The following NRXN1 variants were observed in gnomAD, a reference collection of about 807,000 sequenced individuals.
NRXN1 encodes the protein neurexin-1.
NRXN1 carries 39 observed loss-of-function variants against 150.9 expected under a neutral mutation model. That is an observed-to-expected ratio of 0.26 (90% CI 0.20 to 0.34). The LOEUF (loss-of-function observed/expected upper bound fraction) is 0.34. Ranked by LOEUF, NRXN1 falls within the 10% of genes least tolerant of loss-of-function variation. The pLI, the probability that NRXN1 is intolerant of heterozygous loss-of-function variation, is 1.00. For missense variants in NRXN1, 1,815 were observed against 1,949.9 expected, an observed-to-expected ratio of 0.93 and a Z score of 1.30; for synonymous variants, 924 against 757.0, an observed-to-expected ratio of 1.22 and a Z score of -3.62.
intron 18 of NRXN1, among the ~76,000 whole-genome samples, chr2:50,232,173 T>C (rs1219266391): frequency 6.6e-6 from 1 of 152,016 alleles, no homozygotes; most frequent in African/African-American, 2.4e-5. Context: ...ATAAGTTAAC[T>C]GGATCTCAGC....
chr2:50,294,967 T>C (rs1296423641), intron 17 of NRXN1, among the ~76,000 whole-genome samples: 1 of 152,214 alleles, frequency 6.6e-6, no homozygotes, highest in Non-Finnish European at 1.5e-5. Flanking sequence ...GGAATTACTG[T>C]TTGGTCCAGC....
chr2:50,236,361 A>G (rs2065422409), intron 18 of NRXN1, among the ~76,000 whole-genome samples: 1 of 152,036 alleles, frequency 6.6e-6, no homozygotes, highest in African/African-American at 2.4e-5. Context: ...GTAGCTTCAG[A>G]TAAGTACTTT....
chr2:50,515,600 G>GTGTGTGTGTGTGT (rs2092604830), intron 12 of NRXN1, among the ~76,000 whole-genome samples: 1 of 143,426 alleles, frequency 7.0e-6, no homozygotes, highest in African/African-American at 2.6e-5. Flanking sequence ...AAATGCTTGG[G>GTGTGTGTGTGTGT]GTGTGTGTGT....
At chr2:50,396,234 G>A (rs115320535) in intron 17 of NRXN1, among the ~76,000 whole-genome samples, 2,228 of 152,190 alleles carry the variant, frequency 0.015, 55 homozygotes, top group African/African-American at 0.049. Context: ...GTTTTCAAGT[G>A]CCATTTAAAG....
At chr2:50,955,552 T>C (rs1307114103) in intron 2 of NRXN1, among the ~76,000 whole-genome samples, 1 of 152,228 alleles carries the variant, frequency 6.6e-6, no homozygotes. Context: ...TCCCTTAAGC[T>C]ATGTCAAAGG....
At chr2:50,745,055 G>A (rs1699851739) in intron 5 of NRXN1, among the ~76,000 whole-genome samples, 1 of 152,056 alleles carries the variant, frequency 6.6e-6, no homozygotes, top group South Asian at 2.1e-4. Flanking sequence ...GCACCATCAT[G>A]GTTAATTAGG....
intron 5 of NRXN1, among the ~76,000 whole-genome samples, chr2:50,629,703 G>C (rs1427046755): frequency 6.6e-6 from 1 of 151,620 alleles, no homozygotes; most frequent in Non-Finnish European, 1.5e-5. Context: ...AAGATGATAT[G>C]AGAAGACACT....
intron 17 of NRXN1, among the ~76,000 whole-genome samples, chr2:50,393,665 G>T (rs2081882605): frequency 6.6e-6 from 1 of 152,012 alleles, no homozygotes; most frequent in Non-Finnish European, 1.5e-5. Flanking sequence ...TCTGAAGTTT[G>T]TTACATCGAA....
intron 21 of NRXN1, among the ~76,000 whole-genome samples, chr2:49,950,270 T>C (rs1237655580): frequency 6.6e-6 from 1 of 151,926 alleles, no homozygotes; most frequent in African/African-American, 2.4e-5. Flanking sequence ...GCAAGAGGAA[T>C]TTAGAGGCTG....
At chr2:50,751,791 G>T (rs1406381908) in intron 5 of NRXN1, among the ~76,000 whole-genome samples, 1 of 151,956 alleles carries the variant, frequency 6.6e-6, no homozygotes, top group Non-Finnish European at 1.5e-5. Flanking sequence ...CCAGACTAAA[G>T]ATAAACTTGG....
intron 5 of NRXN1, among the ~76,000 whole-genome samples, chr2:50,637,181 T>A (rs970522571): frequency 6.6e-6 from 1 of 152,160 alleles, no homozygotes; most frequent in Non-Finnish European, 1.5e-5. Context: ...TTTTAAAAAA[T>A]TAAGATCTTT....
intron 17 of NRXN1, among the ~76,000 whole-genome samples, chr2:50,284,369 A>G (rs1471062179): frequency 1.3e-5 from 2 of 152,140 alleles, no homozygotes. Context: ...ATGTTCCCCT[A>G]TGGAGGCCTT....
At chr2:50,689,194 C>G (rs914202060) in intron 5 of NRXN1, among the ~76,000 whole-genome samples, 1 of 152,094 alleles carries the variant, frequency 6.6e-6, no homozygotes, top group Non-Finnish European at 1.5e-5. Flanking sequence ...CAAAATATCA[C>G]TGGAGAGACA....
At chr2:50,841,387 T>G (rs747480265) in intron 5 of NRXN1, among the ~76,000 whole-genome samples, 1 of 152,200 alleles carries the variant, frequency 6.6e-6, no homozygotes, top group Non-Finnish European at 1.5e-5. Context: ...CCACATTCAT[T>G]ACTGTGTTTG....
chr2:50,758,924 T>C (rs574267320), intron 5 of NRXN1, among the ~76,000 whole-genome samples: 1 of 152,006 alleles, frequency 6.6e-6, no homozygotes, highest in Non-Finnish European at 1.5e-5. Flanking sequence ...TAATTGGTAA[T>C]TCAAGTTTTT....
At chr2:50,068,397 T>C (rs1695693420) in intron 19 of NRXN1, among the ~76,000 whole-genome samples, 1 of 95,322 alleles carries the variant, frequency 1.0e-5, no homozygotes, top group Middle Eastern at 6.0e-3. Flanking sequence ...AAAATAACTT[T>C]CCCCTAATAC....
At chr2:49,969,089 T>C (rs1677474375) in intron 21 of NRXN1, among the ~76,000 whole-genome samples, 1 of 152,126 alleles carries the variant, frequency 6.6e-6, no homozygotes, top group South Asian at 2.1e-4. Context: ...AAGAAACCTC[T>C]TGGCAAGTCC....
At chr2:50,826,307 A>G (rs527988248) in intron 5 of NRXN1, among the ~76,000 whole-genome samples, 83 of 152,306 alleles carry the variant, frequency 5.4e-4, no homozygotes, top group African/African-American at 1.9e-3. Flanking sequence ...AAAAACAAGT[A>G]TGAAAGCCCC....
At chr2:50,657,339 T>A (rs1440287151) in intron 5 of NRXN1, among the ~76,000 whole-genome samples, 1 of 152,060 alleles carries the variant, frequency 6.6e-6, no homozygotes, top group Non-Finnish European at 1.5e-5. Context: ...AAGTCTTTGG[T>A]CCACTACCAC....
Sources: gnomAD v4.1 joint callset for allele counts (sites outside exome capture counted in the v4.1 genomes callset) on GRCh38, gnomAD v4.1.1 for gene constraint, MANE v1.5 for transcripts, NCBI Gene and HGNC (gene_info 2026-07-23, HGNC 2026-07-21) for gene names.